The following PTPRM variants were observed in gnomAD, a reference collection of about 807,000 sequenced individuals.
PTPRM encodes receptor-type tyrosine-protein phosphatase mu.
PTPRM carries 47 observed loss-of-function variants against 186.7 expected under a neutral mutation model. That is an observed-to-expected ratio of 0.25 (90% confidence interval 0.20 to 0.32). The LOEUF (loss-of-function observed/expected upper bound fraction) is 0.32. PTPRM is among the 10% of genes least tolerant of loss of function. The probability of loss-of-function intolerance (pLI) is 1.00; values close to 1 mark genes in which losing one functional copy is unlikely to be tolerated. For missense variants in PTPRM, 1,494 were observed against 1,865.0 expected (o/e 0.80, Z 3.66); for synonymous variants, 668 against 674.9 (o/e 0.99, Z 0.16).
chr18:7,917,559 A>G (rs935606087), intron 4 of PTPRM, among the ~76,000 whole-genome samples: 1 of 152,122 alleles, frequency 6.6e-6, no homozygotes, highest in African/African-American at 2.4e-5. Context: ...TTTTTTATTG[A>G]TACATAATAT....
intron 32 of PTPRM, chr18:8,404,818 C>G (rs1481048891): frequency 6.6e-6 from 1 of 152,244 alleles, no homozygotes; most frequent in East Asian, 1.9e-4. Context: ...CAGGCAGAGG[C>G]TTCCTCAAGC....
chr18:7,743,351 TCTTATA>T (rs963376182), intron 1 of PTPRM, among the ~76,000 whole-genome samples: 10 of 152,152 alleles, frequency 6.6e-5, no homozygotes, highest in Non-Finnish European at 1.5e-5. Context: ...AAGTTAATAT[TCTTATA>T]CTTATTCCAC....
chr18:7,713,651 G>C (rs1346119626), intron 1 of PTPRM, among the ~76,000 whole-genome samples: 1 of 150,146 alleles, frequency 6.7e-6, no homozygotes, highest in Non-Finnish European at 1.5e-5. Flanking sequence ...ACACGCATAG[G>C]CTCAAAATAA....
chr18:7,984,912 A>C (rs1400787375), intron 7 of PTPRM, among the ~76,000 whole-genome samples: 3 of 117,804 alleles, frequency 2.5e-5, no homozygotes, highest in African/African-American at 6.8e-5. Flanking sequence ...TATACATATA[A>C]TTATATATAC....
intron 1 of PTPRM, among the ~76,000 whole-genome samples, chr18:7,704,987 C>T (rs530727349): frequency 6.6e-6 from 1 of 151,996 alleles, no homozygotes; most frequent in African/African-American, 2.4e-5. Flanking sequence ...GTGATATATT[C>T]TGAGGAAATA....
intron 13 of PTPRM, among the ~76,000 whole-genome samples, chr18:8,121,577 T>C (rs1170383121): frequency 6.6e-6 from 1 of 152,250 alleles, no homozygotes; most frequent in East Asian, 1.9e-4. Flanking sequence ...TTAACCATGA[T>C]AACTATAGCA....
At chr18:7,749,254 G>A (rs1187607942) in intron 1 of PTPRM, 1 of 151,796 alleles carries the variant, frequency 6.6e-6, no homozygotes, top group Admixed American at 6.6e-5. Context: ...ACTGCATTTC[G>A]GCACCCTTTT....
chr18:7,946,963 C>T (rs1285453869), intron 5 of PTPRM: 1 of 456,224 alleles, frequency 2.2e-6, no homozygotes, highest in Non-Finnish European at 4.4e-6. Flanking sequence ...TATGGGAACC[C>T]TCTCCCTCCA....
chr18:8,049,366 A>G lies in PTPRM; in HGVS notation c.1133-20320A>G, dbSNP rs148461495. ...AGTGCCTGTGTGACTTCCTTAAAAC[A>G]GAAAAGCACAACAGAGATGTGAGTC... is the stretch of plus-strand genomic sequence containing the variant. On this transcript the variant is annotated intron_variant, in intron 7 of 32. Transcript: ENST00000580170. 2.0e-5 allele frequency: 3 copies of G among 152,334 alleles called. No individual in the cohort carries two copies. The East Asian group carries it at 5.8e-4, about 29-fold the overall frequency. 9.4% of individuals were successfully genotyped at this position (152,334 alleles called of 1,614,324 possible).
intron 11 of PTPRM, among the ~76,000 whole-genome samples, chr18:8,107,236 A>C (rs894667516): frequency 7.2e-5 from 11 of 152,340 alleles, no homozygotes; most frequent in African/African-American, 2.6e-4. Context: ...TAAAAGCAGG[A>C]GACATCACCC....
intron 14 of PTPRM, among the ~76,000 whole-genome samples, chr18:8,188,202 A>G (rs147648470): frequency 2.6e-5 from 4 of 152,354 alleles, no homozygotes; most frequent in African/African-American, 7.2e-5. Flanking sequence ...AGAAGCACAT[A>G]GTTCAGCGTA....
At chr18:7,875,028 A>G (rs1567952688) in intron 2 of PTPRM, among the ~76,000 whole-genome samples, 1 of 151,982 alleles carries the variant, frequency 6.6e-6, no homozygotes, top group African/African-American at 2.4e-5. Context: ...CCCCGTCTCT[A>G]CTAAAAATAA....
chr18:8,005,620 GC>G (rs1266711202), intron 7 of PTPRM, among the ~76,000 whole-genome samples: 1 of 152,084 alleles, frequency 6.6e-6, no homozygotes, highest in Admixed American at 6.5e-5. Context: ...AAGACTCTTG[GC>G]CCCACCTCCA....
At chr18:7,580,448 C>G (rs1313444930) in intron 1 of PTPRM, among the ~76,000 whole-genome samples, 2 of 152,226 alleles carry the variant, frequency 1.3e-5, no homozygotes, top group African/African-American at 4.8e-5. Flanking sequence ...TCTCTCTGTA[C>G]TTGAGAATGT....
chr18:8,353,658 C>T (rs913974610), intron 23 of PTPRM, among the ~76,000 whole-genome samples: 2 of 151,984 alleles, frequency 1.3e-5, no homozygotes, highest in African/African-American at 4.8e-5. Context: ...CCCCCACACC[C>T]CCAAATAAAA....
At chr18:8,251,724 A>G (rs1232724674) in intron 17 of PTPRM, 2 of 152,264 alleles carry the variant, frequency 1.3e-5, no homozygotes, top group Non-Finnish European at 2.9e-5. Flanking sequence ...GATAGAAGTG[A>G]GGTTCCCAAA....
chr18:8,346,128 C>T (rs896689794), intron 23 of PTPRM, among the ~76,000 whole-genome samples: 4 of 152,308 alleles, frequency 2.6e-5, no homozygotes, highest in Middle Eastern at 3.4e-3. Flanking sequence ...GAGGAGGCTA[C>T]TGAGGCAGGG....
At position 7,620,769 on chromosome 18, in the gene PTPRM, A is replaced by G. The variant is rs144841505; in HGVS notation, c.73+52878A>G. Among the ~76,000 whole-genome samples the G allele has an allele frequency of 6.7e-3, 1,014 of 152,180 alleles. 8 individuals carry two copies. The highest frequency in any genetic ancestry group is 0.023 in the African/African-American group (944 of 41,500). On this transcript the variant is annotated intron_variant, in intron 1 of 32. Coordinates refer to ENST00000580170, the MANE Select transcript of PTPRM (RefSeq NM_001105244.2). Reference sequence around the variant, plus strand: ...AGAAGTCTCTCATTCCAAGATGTACACTCTTTCTACTGCTGTATTATACAC... The same window carrying G: ...AGAAGTCTCTCATTCCAAGATGTACGCTCTTTCTACTGCTGTATTATACAC...
intron 7 of PTPRM, among the ~76,000 whole-genome samples, chr18:7,988,887 T>C (rs892932699): frequency 1.2e-4 from 19 of 152,184 alleles, no homozygotes; most frequent in Non-Finnish European, 2.6e-4. Context: ...GTACAATATC[T>C]GTTTGATTTC....
Sources: allele counts gnomAD v4.1 joint callset (sites outside exome capture counted in the v4.1 genomes callset), GRCh38; gene constraint gnomAD v4.1.1; transcripts MANE v1.5; gene names NCBI Gene and HGNC (gene_info 2026-07-23, HGNC 2026-07-21).